Variants in TIAM2 observed in about 807,000 individuals in gnomAD.
TIAM2 encodes rho guanine nucleotide exchange factor TIAM2.
Under a neutral mutation model 152.9 loss-of-function variants are expected in TIAM2, and 80 were observed. That is an observed-to-expected ratio of 0.52 (90% CI 0.44 to 0.63). TIAM2 has a LOEUF of 0.63. Among genes scored for constraint, TIAM2 ranks in the 30% least tolerant of loss-of-function variants. TIAM2 has a pLI of 0.00. For missense variants in TIAM2, 1,965 were observed against 2,120.1 expected (o/e 0.93, Z 1.44); for synonymous variants, 804 against 838.0 (o/e 0.96, Z 0.70).
rs148696218 is a variant in TIAM2, at chr6:155,254,052, G to A, written c.4305G>A (p.Leu1435=). 23 of 1,613,908 alleles carry A rather than the reference G, an allele frequency of 1.4e-5. No homozygotes were observed. The highest frequency in any genetic ancestry group is 1.6e-4 in the Middle Eastern group (1 of 6,082). Residue 1435 remains leucine, a synonymous_variant, in exon 25 of 27, where the codon TTG becomes TTA. Transcript: ENST00000682666. ...GACGGCCAGAAACCATCTTTCAGTTGTGTTGCAGGTATGACTGACTTCCAA... is the reference window on the plus strand; with the variant it reads ...GACGGCCAGAAACCATCTTTCAGTTATGTTGCAGGTATGACTGACTTCCAA... The part of the protein sequence containing the change: ...IEGRPETIFQ[L]CCSDSESKTN...
intron 9 of TIAM2, among the ~76,000 whole-genome samples, chr6:155,170,406 G>C (rs1780556556): frequency 6.6e-6 from 1 of 152,050 alleles, no homozygotes; most frequent in Admixed American, 6.6e-5. Flanking sequence ...GAGTCAGGTG[G>C]ATCATTTGAG....
intron 2 of TIAM2, among the ~76,000 whole-genome samples, chr6:155,098,122 G>C (rs1010918679): frequency 2.6e-5 from 4 of 152,084 alleles, no homozygotes; most frequent in Non-Finnish European, 5.9e-5. Context: ...CTCCAACTTT[G>C]TTCTTATTGA....
At chr6:155,059,446 C>A (rs1777528166) in intron 1 of TIAM2, among the ~76,000 whole-genome samples, 1 of 152,094 alleles carries the variant, frequency 6.6e-6, no homozygotes, top group Admixed American at 6.6e-5. Context: ...GCCTCAGCCT[C>A]CCAAGTTGCT....
intron 14 of TIAM2, among the ~76,000 whole-genome samples, chr6:155,187,611 C>CTTTTTTTTTTTT (rs1781079830): frequency 1.3e-5 from 1 of 79,676 alleles, no homozygotes; most frequent in African/African-American, 4.8e-5. Flanking sequence ...TGAAGTTTTG[C>CTTTTTTTTTTTT]TCTTGTTGCC....
At chr6:155,025,287 G>A (rs1776577746) in intron 1 of TIAM2, among the ~76,000 whole-genome samples, 1 of 150,758 alleles carries the variant, frequency 6.6e-6, no homozygotes, top group Non-Finnish European at 1.5e-5. Context: ...TCTGCCTCCC[G>A]GGTTCACGCC....
chr6:155,244,160 A>ATC, intron 17 of TIAM2, 81 bp downstream of exon 17: 1 of 1,280,018 alleles, frequency 7.8e-7, no homozygotes, highest in South Asian at 1.2e-5. Flanking sequence ...CTATGAGAGT[A>ATC]TCTCTGTTGA....
intron 15 of TIAM2, among the ~76,000 whole-genome samples, chr6:155,229,919 T>C (rs961654046): frequency 2.0e-5 from 3 of 151,966 alleles, no homozygotes; most frequent in Non-Finnish European, 2.9e-5. Context: ...CTCGTGAGAC[T>C]TATTCACTAT....
intron 5 of TIAM2, among the ~76,000 whole-genome samples, chr6:155,140,948 A>C (rs1450320422): frequency 6.6e-6 from 1 of 152,154 alleles, no homozygotes; most frequent in Non-Finnish European, 1.5e-5. Flanking sequence ...TCTTGAGGGA[A>C]ACTCAGGCAG....
At chr6:155,031,107 T>TAACC (rs1271038989) in intron 1 of TIAM2, among the ~76,000 whole-genome samples, 2 of 152,224 alleles carry the variant, frequency 1.3e-5, no homozygotes, top group Admixed American at 1.3e-4. Flanking sequence ...GTGTCTTATT[T>TAACC]AACCCTTTGA....
At chr6:155,068,995 T>C (rs988925161) in intron 1 of TIAM2, among the ~76,000 whole-genome samples, 1 of 152,096 alleles carries the variant, frequency 6.6e-6, no homozygotes, top group Non-Finnish European at 1.5e-5. Flanking sequence ...CACAGCTCAC[T>C]GCAGCCTTGA....
At chr6:155,058,094 G>A (rs1777494528) in intron 1 of TIAM2, among the ~76,000 whole-genome samples, 1 of 152,056 alleles carries the variant, frequency 6.6e-6, no homozygotes, top group Non-Finnish European at 1.5e-5. Flanking sequence ...CTATCATTGT[G>A]GTTTTTCCTG....
chr6:155,100,644 T>G (rs139883169), intron 2 of TIAM2, among the ~76,000 whole-genome samples: 1 of 152,320 alleles, frequency 6.6e-6, no homozygotes, highest in African/African-American at 2.4e-5. Context: ...AGTCCTGGAC[T>G]TTCAACAGTA....
intron 15 of TIAM2, among the ~76,000 whole-genome samples, chr6:155,226,174 C>A (rs1039115590): frequency 1.1e-4 from 16 of 152,188 alleles, no homozygotes; most frequent in Non-Finnish European, 2.2e-4. Context: ...GCCCCCATCC[C>A]ATTCTTCATA....
intron 1 of TIAM2, among the ~76,000 whole-genome samples, chr6:155,074,222 C>T (rs1393310900): frequency 6.6e-6 from 1 of 152,176 alleles, no homozygotes; most frequent in Non-Finnish European, 1.5e-5. Flanking sequence ...TTGACTTCCT[C>T]TCCATATCAG....
chr6:155,257,654 T>C lies in TIAM2; in HGVS notation c.*533T>C, dbSNP rs973446353. On this transcript the variant is annotated 3_prime_UTR_variant, in exon 27 of 27. Transcript: ENST00000682666. ...ATACAGTATATATTAAAAGAAAGCT[T>C]GTACTGTATCTTATTTGATGATATT... 7.7e-6 allele frequency: 5 copies of C among 649,508 alleles called. No homozygotes were observed. The highest frequency in any genetic ancestry group is 1.3e-5 in the Non-Finnish European group (5 of 382,560). The allele number at this position is 649,508 out of a possible 1,614,324, so 40.2% of individuals were successfully genotyped here.
chr6:155,101,344 C>G (rs1011176278), intron 2 of TIAM2, among the ~76,000 whole-genome samples: 1 of 152,160 alleles, frequency 6.6e-6, no homozygotes, highest in Non-Finnish European at 1.5e-5. Flanking sequence ...ATTGCTTTTT[C>G]ATCAGAAACA....
intron 14 of TIAM2, among the ~76,000 whole-genome samples, chr6:155,187,798 G>A (rs1038051584): frequency 1.1e-4 from 17 of 151,790 alleles, no homozygotes; most frequent in Admixed American, 3.9e-4. Context: ...GGCTGGTCTC[G>A]AACTCCCAAC....
At chr6:155,182,834 G>A (rs1445833167) in intron 13 of TIAM2, among the ~76,000 whole-genome samples, 2 of 152,160 alleles carry the variant, frequency 1.3e-5, no homozygotes, top group African/African-American at 2.4e-5. Context: ...CTCTTGAACC[G>A]GGGAGACAGA....
chr6:155,040,447 A>T (rs987295357), intron 1 of TIAM2, among the ~76,000 whole-genome samples: 2 of 152,180 alleles, frequency 1.3e-5, no homozygotes, highest in East Asian at 3.9e-4. Flanking sequence ...ACACAAGCTG[A>T]GTAGGCAAGA....
Sources: allele counts gnomAD v4.1 joint callset (sites outside exome capture counted in the v4.1 genomes callset), GRCh38; gene constraint gnomAD v4.1.1; transcripts MANE v1.5; gene names NCBI Gene and HGNC (gene_info 2026-07-23, HGNC 2026-07-21).